Variants in CCBE1 observed in about 807,000 individuals in gnomAD.
CCBE1 encodes collagen and calcium-binding EGF domain-containing protein 1.
Under a neutral mutation model 50.0 loss-of-function variants are expected in CCBE1, and 37 were observed. That is an observed-to-expected ratio of 0.74 (90% CI 0.57 to 0.97). The LOEUF is 0.97. CCBE1 is among the 50% of genes least tolerant of loss of function. CCBE1 has a pLI of 0.00. For missense variants in CCBE1, 538 were observed against 523.8 expected, an observed-to-expected ratio of 1.03 and a Z score of -0.26; for synonymous variants, 234 against 203.7, an observed-to-expected ratio of 1.15 and a Z score of -1.27.
intron 2 of CCBE1, among the ~76,000 whole-genome samples, chr18:59,622,744 T>A (rs1036163973): frequency 1.4e-5 from 2 of 147,826 alleles, no homozygotes; most frequent in African/African-American, 5.0e-5. Context: ...GAGGTTGCAG[T>A]GAGCTGAGAT....
At chr18:59,496,769 G>A (rs563602096) in intron 2 of CCBE1, among the ~76,000 whole-genome samples, 10 of 152,268 alleles carry the variant, frequency 6.6e-5, no homozygotes, top group African/African-American at 2.2e-4. Flanking sequence ...CTAAGCAGCC[G>A]ACCTAGGACA....
At chr18:59,550,123 T>C (rs191123902) in intron 2 of CCBE1, among the ~76,000 whole-genome samples, 15 of 152,258 alleles carry the variant, frequency 9.9e-5, no homozygotes, top group African/African-American at 3.4e-4. Flanking sequence ...ACCTGGAGAC[T>C]GTGTCATCAT....
At chr18:59,489,142 A>T (rs1912968283) in intron 2 of CCBE1, among the ~76,000 whole-genome samples, 1 of 152,252 alleles carries the variant, frequency 6.6e-6, no homozygotes, top group South Asian at 2.1e-4. Context: ...GATCAGTGCG[A>T]TATCCATCTC....
intron 2 of CCBE1, among the ~76,000 whole-genome samples, chr18:59,618,585 C>T (rs2053669237): frequency 6.6e-6 from 1 of 152,054 alleles, no homozygotes. Flanking sequence ...CAGGTGCGTG[C>T]CACCAAACCC....
At chr18:59,482,010 A>G (rs578192376) in intron 2 of CCBE1, among the ~76,000 whole-genome samples, 7 of 152,274 alleles carry the variant, frequency 4.6e-5, no homozygotes, top group Admixed American at 3.3e-4. Context: ...TAAGCCCTGC[A>G]TGCGTTAGGT....
Position 59,613,863 on chromosome 18 carries a change from G to GTTTTTTTTTTTTTTTTT in CCBE1, c.212+82749_212+82765dup, listed in dbSNP as rs34847608. ...GCACAAAGATGTTTTTCTCTGATGG[G>GTTTTTTTTTTTTTTTTT]TTTTTTTTTTTTTTTTTTTTTTTGG... is the stretch of plus-strand genomic sequence containing the variant. On this transcript the variant is annotated intron_variant, in intron 2 of 10. Transcript: ENST00000439986. 1.3e-4 allele frequency among the ~76,000 whole-genome samples: 13 copies of GTTTTTTTTTTTTTTTTT among 98,440 alleles called. 1 individual carries two copies. The highest frequency in any genetic ancestry group is 4.9e-4 in the African/African-American group (13 of 26,794). The allele number at this position is 98,440 out of a possible 152,430, so 64.6% of individuals were successfully genotyped here. A position where few individuals can be genotyped will look rare whatever the true frequency, so the allele number is the denominator to read the frequency against.
At chr18:59,620,727 A>G (rs1192581112) in intron 2 of CCBE1, among the ~76,000 whole-genome samples, 1 of 152,170 alleles carries the variant, frequency 6.6e-6, no homozygotes, top group Non-Finnish European at 1.5e-5. Context: ...GATGCCATAT[A>G]AGACATCCCT....
At chr18:59,595,376 C>A (rs1174805298) in intron 2 of CCBE1, among the ~76,000 whole-genome samples, 1 of 152,152 alleles carries the variant, frequency 6.6e-6, no homozygotes, top group African/African-American at 2.4e-5. Flanking sequence ...AGTTACTAAC[C>A]TTTCTTACTT....
At chr18:59,498,047 C>G (rs1018167473) in intron 2 of CCBE1, among the ~76,000 whole-genome samples, 3 of 152,186 alleles carry the variant, frequency 2.0e-5, no homozygotes, top group Non-Finnish European at 4.4e-5. Context: ...ACTGGTGATT[C>G]TCCCGAGAGG....
intron 2 of CCBE1, among the ~76,000 whole-genome samples, chr18:59,641,562 T>C (rs1053675396): frequency 6.6e-6 from 1 of 152,114 alleles, no homozygotes; most frequent in African/African-American, 2.4e-5. Context: ...AAGATTTACC[T>C]ATATAAACAA....
chr18:59,478,221 C>G (rs1912403563), intron 3 of CCBE1, among the ~76,000 whole-genome samples: 1 of 152,148 alleles, frequency 6.6e-6, no homozygotes, highest in Non-Finnish European at 1.5e-5. Flanking sequence ...TCTCATAAGC[C>G]AATCCCTTTA....
intron 2 of CCBE1, among the ~76,000 whole-genome samples, chr18:59,529,124 G>C (rs77766291): frequency 0.015 from 2,212 of 152,328 alleles, 43 homozygotes; most frequent in African/African-American, 0.049. Flanking sequence ...CAGGGGCATC[G>C]TCCCAGGGAG....
chr18:59,454,217 C>T (rs1391514715), intron 6 of CCBE1, among the ~76,000 whole-genome samples: 1 of 152,104 alleles, frequency 6.6e-6, no homozygotes, highest in African/African-American at 2.4e-5. Context: ...TAGATTATTT[C>T]CATAATCTAT....
rs548149964 is a variant in CCBE1 at position 59,627,106 on chromosome 18, A to G, written c.212+69523T>C. 3.3e-5 allele frequency among the ~76,000 whole-genome samples: 5 copies of G among 152,300 alleles called. No individual in the cohort carries two copies. In the South Asian group the frequency reaches 1.0e-3, roughly 32 times the overall value. ...ATTTCATAAAAATATAAAACAATCC[A>G]TCATTCATCAGTTCAGCAATTCATG... On this transcript the variant is annotated intron_variant, in intron 2 of 10. Coordinates refer to ENST00000439986, the MANE Select transcript of CCBE1 (RefSeq NM_133459.4).
rs540719924 is a variant in CCBE1, at chr18:59,479,024, C to T, written c.265+1162G>A. Among the ~76,000 whole-genome samples, 3 of 152,196 alleles carry T rather than the reference C, an allele frequency of 2.0e-5. No individual in the cohort carries two copies. In the South Asian group the frequency reaches 6.2e-4, roughly 32 times the overall value. The stretch of plus-strand genomic sequence containing the variant: ...TGTCCCAACCTTCCACAGAAAACAG[C>T]GATAAATGGGAGGGATTCATCTGTT... On this transcript the variant is annotated intron_variant, in intron 3 of 10. Transcript: ENST00000439986.
chr18:59,615,414 G>A (rs1028873081), intron 2 of CCBE1, among the ~76,000 whole-genome samples: 2 of 151,688 alleles, frequency 1.3e-5, no homozygotes. Context: ...GTAGCTTTCT[G>A]TCTACTCAGA....
At chr18:59,449,625 CAAAAA>C (rs34310128) in intron 6 of CCBE1, among the ~76,000 whole-genome samples, 1 of 126,360 alleles carries the variant, frequency 7.9e-6, no homozygotes, top group Non-Finnish European at 1.7e-5. Flanking sequence ...AGACTCTGTC[CAAAAA>C]AAAAAAAAAA....
intron 2 of CCBE1, among the ~76,000 whole-genome samples, chr18:59,553,518 G>A (rs1031100068): frequency 6.6e-6 from 1 of 152,230 alleles, no homozygotes. Context: ...TGGAGTCGTA[G>A]CTGCTGGGAA....
At chr18:59,641,910 A>T (rs2053995699) in intron 2 of CCBE1, among the ~76,000 whole-genome samples, 1 of 152,190 alleles carries the variant, frequency 6.6e-6, no homozygotes, top group Admixed American at 6.5e-5. Flanking sequence ...AAGAAAACGC[A>T]GCTGGATTCC....
Sources: allele counts gnomAD v4.1 joint callset (sites outside exome capture counted in the v4.1 genomes callset), GRCh38; gene constraint gnomAD v4.1.1; transcripts MANE v1.5; gene names NCBI Gene and HGNC (gene_info 2026-07-23, HGNC 2026-07-21).